SH3D19: variants seen among roughly 807,000 people sequenced by gnomAD.
SH3D19 encodes the protein SH3 domain containing 19, also known as SH3 domain-containing protein 19.
A neutral mutation model predicts 112.1 loss-of-function variants in SH3D19; 58 were observed. The ratio of observed to expected loss-of-function variants is 0.52; its 90% CI spans 0.42 to 0.64. The LOEUF is 0.64. SH3D19 is among the 30% of genes least tolerant of loss of function. The pLI is 0.00. For synonymous variants in SH3D19, 391 were observed against 448.5 expected, an observed-to-expected ratio of 0.87 and a Z score of 1.62; for missense variants, 1,090 against 1,263.4, an observed-to-expected ratio of 0.86 and a Z score of 2.08.
intron 2 of SH3D19, among the ~76,000 whole-genome samples, chr4:151,214,464 ACC>A (rs70941485): frequency 8.6e-5 from 7 of 81,232 alleles, no homozygotes; most frequent in Non-Finnish European, 1.7e-4. Flanking sequence ...CGGGGGGCTG[ACC>A]CCCCACCTCC....
At chr4:151,130,724 G>A (rs1333276559) in intron 17 of SH3D19, among the ~76,000 whole-genome samples, 6 of 152,072 alleles carry the variant, frequency 3.9e-5, no homozygotes, top group Non-Finnish European at 5.9e-5. Context: ...GGTGGATCAC[G>A]AGGTCAGGAG....
rs532555443 is a variant in SH3D19 at position 151,298,434 on chromosome 4, C to T, written c.112+26807G>A. Among the ~76,000 whole-genome samples, 6 of 147,466 alleles carry T rather than the reference C, an allele frequency of 4.1e-5. No homozygotes were observed. In the South Asian group the frequency reaches 8.9e-4, roughly 22 times the overall value. On this transcript the variant is annotated intron_variant, in intron 1 of 19. Transcript: ENST00000604030. ...CTCGTGATCCTCCCGCCTCGGCCTCCCAAAGTGCTGGAATTACAGGCGTGA... is the reference window on the plus strand; with the variant it reads ...CTCGTGATCCTCCCGCCTCGGCCTCTCAAAGTGCTGGAATTACAGGCGTGA...
intron 1 of SH3D19, among the ~76,000 whole-genome samples, chr4:151,297,980 T>C (rs989200938): frequency 3.9e-5 from 6 of 151,906 alleles, no homozygotes; most frequent in African/African-American, 7.3e-5. Flanking sequence ...AAGAGAGGAA[T>C]GAAGATGCTA....
chr4:151,283,404 C>A, intron 1 of SH3D19: 1 of 805,266 alleles, frequency 1.2e-6, no homozygotes, highest in Non-Finnish European at 2.0e-6. Context: ...CTAAGAATAA[C>A]TCTTATGTTA....
At chr4:151,196,210 A>T (rs1460992600) in intron 2 of SH3D19, among the ~76,000 whole-genome samples, 1 of 152,314 alleles carries the variant, frequency 6.6e-6, no homozygotes, top group Admixed American at 6.5e-5. Context: ...TAGAGTCTAT[A>T]CATATAATAA....
At chr4:151,292,602 C>T (rs946662468) in intron 1 of SH3D19, among the ~76,000 whole-genome samples, 1 of 152,176 alleles carries the variant, frequency 6.6e-6, no homozygotes, top group Admixed American at 6.5e-5. Flanking sequence ...CCCTTCTATA[C>T]CTAGGCTGCC....
chr4:151,170,731 T>C (rs1032454492), intron 7 of SH3D19: 8 of 152,192 alleles, frequency 5.3e-5, no homozygotes, highest in African/African-American at 1.7e-4. Context: ...ATGCTTATGT[T>C]CAGCTCTTTT....
At chr4:151,304,101 T>C (rs1728713544) in intron 1 of SH3D19, among the ~76,000 whole-genome samples, 2 of 151,996 alleles carry the variant, frequency 1.3e-5, no homozygotes, top group Non-Finnish European at 2.9e-5. Context: ...TAGAGGCACA[T>C]ACTACCCAAC....
intron 1 of SH3D19, among the ~76,000 whole-genome samples, chr4:151,276,090 G>A (rs1046840707): frequency 7.2e-5 from 11 of 152,050 alleles, no homozygotes; most frequent in East Asian, 1.9e-4. Context: ...TGATCCACCC[G>A]CCTCGGCCTC....
chr4:151,177,775 T>C (rs983254560), intron 4 of SH3D19, among the ~76,000 whole-genome samples: 5 of 152,248 alleles, frequency 3.3e-5, no homozygotes, highest in Non-Finnish European at 7.3e-5. Flanking sequence ...TGGGTTTATA[T>C]GTTCACTTCT....
At chr4:151,152,516 CTT>C (rs1177292502) in intron 9 of SH3D19, among the ~76,000 whole-genome samples, 2 of 127,246 alleles carry the variant, frequency 1.6e-5, no homozygotes, top group South Asian at 2.4e-4. Context: ...CTCTCTCTCT[CTT>C]TTTTTTTTTT....
chr4:151,300,680 C>T (rs1054850866), intron 1 of SH3D19: 6 of 151,538 alleles, frequency 4.0e-5, no homozygotes, highest in Admixed American at 1.3e-4. Context: ...GTACAAACCA[C>T]TGAAATGTTT....
At chr4:151,232,474 T>A (rs531137161) in intron 1 of SH3D19, among the ~76,000 whole-genome samples, 1 of 152,156 alleles carries the variant, frequency 6.6e-6, no homozygotes, top group Admixed American at 6.5e-5. Flanking sequence ...ATACCACAAA[T>A]GTCAGCTGCC....
Position 151,228,029 on chromosome 4 carries a change from CT to C in SH3D19, c.113-1944del, listed in dbSNP as rs1164726124. ...ATGTGGCCACTCAGGAAGCAAATGG[CT>C]CACAGCTCTCCTTCGTTCTTGGTTA... On this transcript the variant is annotated intron_variant, in intron 1 of 19. Coordinates refer to ENST00000604030, the MANE Select transcript of SH3D19 (RefSeq NM_001378122.1). 17 of 985,442 alleles carry C rather than the reference CT, an allele frequency of 1.7e-5. No homozygotes were observed. The African/African-American group carries it at 2.4e-4, about 14-fold the overall frequency. 61.0% of individuals were successfully genotyped at this position (985,442 alleles called of 1,614,324 possible). A position where few individuals can be genotyped will look rare whatever the true frequency, so the allele number is the denominator to read the frequency against.
At chr4:151,298,662 T>C (rs11721421) in intron 1 of SH3D19, among the ~76,000 whole-genome samples, 54,314 of 152,056 alleles carry the variant, frequency 0.36, 10,785 homozygotes, top group Non-Finnish European at 0.46. Flanking sequence ...GTTTGAATCA[T>C]GGACCCTCTT....
intron 1 of SH3D19, among the ~76,000 whole-genome samples, chr4:151,267,864 T>C (rs535002294): frequency 2.1e-4 from 32 of 152,134 alleles, no homozygotes; most frequent in Non-Finnish European, 3.8e-4. Flanking sequence ...AGAGAAAGAT[T>C]AGTCCCTGTG....
chr4:151,128,300 G>A lies in SH3D19; in HGVS notation c.2799C>T (p.Thr933=). 1 of 1,614,062 alleles carries A rather than the reference G, an allele frequency of 6.2e-7. No homozygotes were observed. The highest frequency in any genetic ancestry group is 8.5e-7 in the Non-Finnish European group (1 of 1,179,962). The change falls in exon 18 of 20, where the codon ACC becomes ACT. Residue 933 remains threonine (T), a synonymous_variant. Transcript: ENST00000604030. ...CCCTCTTGAATGATAAGTCATCACTGGTCTCTGCTGTAAAACTGTGAAGAG... is the reference window on the plus strand; with the variant it reads ...CCCTCTTGAATGATAAGTCATCACTAGTCTCTGCTGTAAAACTGTGAAGAG... ...CEALHSFTAE[T]SDDLSFKRGD... is the part of the protein sequence containing the mutation.
chr4:151,227,937 T>C (rs1392098598), intron 1 of SH3D19: 76 of 985,250 alleles, frequency 7.7e-5, no homozygotes, highest in Non-Finnish European at 9.0e-5. Flanking sequence ...AGACTCAGTA[T>C]CCAAGGGCTT....
chr4:151,287,845 A>C (rs1440829207), intron 1 of SH3D19, among the ~76,000 whole-genome samples: 1 of 152,220 alleles, frequency 6.6e-6, no homozygotes, highest in Non-Finnish European at 1.5e-5. Flanking sequence ...GTGCCACCAC[A>C]TTCCAGCCTG....
Sources: allele counts gnomAD v4.1 joint callset (sites outside exome capture counted in the v4.1 genomes callset), GRCh38; gene constraint gnomAD v4.1.1; transcripts MANE v1.5; gene names NCBI Gene and HGNC (gene_info 2026-07-23, HGNC 2026-07-21).